ANKS1B: variants seen among roughly 807,000 people sequenced by gnomAD.
ANKS1B encodes ankyrin repeat and sterile alpha motif domain containing 1B.
ANKS1B carries 36 observed loss-of-function variants against 148.3 expected under a neutral mutation model. The ratio of observed to expected loss-of-function variants is 0.24; its 90% confidence interval spans 0.19 to 0.32. The LOEUF is 0.32. ANKS1B is among the 10% of genes least tolerant of loss of function. The probability of loss-of-function intolerance (pLI) is 1.00; values close to 1 mark genes in which losing one functional copy is unlikely to be tolerated. For missense variants in ANKS1B, 1,157 were observed against 1,542.6 expected (o/e 0.75, Z 4.19); for synonymous variants, 542 against 560.8 (o/e 0.97, Z 0.47).
intron 9 of ANKS1B, among the ~76,000 whole-genome samples, chr12:99,536,671 G>A (rs1332535882): frequency 6.6e-6 from 1 of 152,108 alleles, no homozygotes; most frequent in Non-Finnish European, 1.5e-5. Flanking sequence ...TAGGGTACAT[G>A]GGATGTTTTG....
At chr12:99,046,155 C>A (rs1333565616) in intron 17 of ANKS1B, among the ~76,000 whole-genome samples, 1 of 152,026 alleles carries the variant, frequency 6.6e-6, no homozygotes, top group Non-Finnish European at 1.5e-5. Context: ...GAAGTATTGT[C>A]AATAGACTAA....
chr12:99,082,716 C>G (rs2050235820), intron 16 of ANKS1B, among the ~76,000 whole-genome samples: 1 of 152,022 alleles, frequency 6.6e-6, no homozygotes, highest in Non-Finnish European at 1.5e-5. Context: ...TTGGTGAGGA[C>G]TAGGTTGATA....
chr12:99,525,743 T>C (rs1358130401), intron 9 of ANKS1B, among the ~76,000 whole-genome samples: 1 of 152,156 alleles, frequency 6.6e-6, no homozygotes. Context: ...AATATATTTG[T>C]TATAATAATC....
intron 10 of ANKS1B, among the ~76,000 whole-genome samples, chr12:99,487,918 T>A (rs924564322): frequency 6.6e-6 from 1 of 152,082 alleles, no homozygotes; most frequent in South Asian, 2.1e-4. Context: ...ACATGACATA[T>A]TAAAATCTTG....
At chr12:99,854,485 T>A (rs565184683) in intron 1 of ANKS1B, among the ~76,000 whole-genome samples, 1 of 152,066 alleles carries the variant, frequency 6.6e-6, no homozygotes, top group African/African-American at 2.4e-5. Flanking sequence ...GATAGAAAAA[T>A]TGAGAAAAAT....
chr12:99,089,815 C>A (rs1019504476), intron 15 of ANKS1B, among the ~76,000 whole-genome samples: 11 of 152,188 alleles, frequency 7.2e-5, no homozygotes, highest in Non-Finnish European at 1.6e-4. Flanking sequence ...AGTCCAATCA[C>A]TAAATTATTT....
At chr12:99,369,788 A>AGATAGATAGATG (rs770146685) in intron 12 of ANKS1B, among the ~76,000 whole-genome samples, 33 of 103,908 alleles carry the variant, frequency 3.2e-4, no homozygotes, top group African/African-American at 1.0e-3. Context: ...ATAGATAGAT[A>AGATAGATAGATG]GATGGACGGA....
At chr12:99,208,906 T>C (rs1044334873) in intron 14 of ANKS1B, among the ~76,000 whole-genome samples, 1 of 152,186 alleles carries the variant, frequency 6.6e-6, no homozygotes, top group African/African-American at 2.4e-5. Context: ...AGTTAAAACA[T>C]TTACTTTTTC....
chr12:98,777,160 T>C (rs1234476618), intron 24 of ANKS1B, among the ~76,000 whole-genome samples: 1 of 152,008 alleles, frequency 6.6e-6, no homozygotes, highest in Non-Finnish European at 1.5e-5. Flanking sequence ...GCCACTACAC[T>C]CCAGCCTGGG....
At chr12:99,170,737 C>T (rs1196167702) in intron 14 of ANKS1B, among the ~76,000 whole-genome samples, 1 of 152,092 alleles carries the variant, frequency 6.6e-6, no homozygotes, top group Non-Finnish European at 1.5e-5. Flanking sequence ...AGAATTCCCA[C>T]ACCCATGATG....
chr12:99,543,083 T>G (rs1241463497), intron 9 of ANKS1B, among the ~76,000 whole-genome samples: 1 of 152,094 alleles, frequency 6.6e-6, no homozygotes, highest in Non-Finnish European at 1.5e-5. Context: ...ATCATATATT[T>G]GATATGGGAC....
intron 1 of ANKS1B, among the ~76,000 whole-genome samples, chr12:99,923,878 G>A (rs1256965275): frequency 1.3e-5 from 2 of 152,108 alleles, no homozygotes; most frequent in South Asian, 4.1e-4. Flanking sequence ...AGGGTGAGGA[G>A]AGTGAGGCAT....
chr12:99,217,473 T>C (rs1244240514), intron 14 of ANKS1B, among the ~76,000 whole-genome samples: 1 of 152,148 alleles, frequency 6.6e-6, no homozygotes, highest in Non-Finnish European at 1.5e-5. Flanking sequence ...TGTTCCATTA[T>C]GTTTCCTACC....
chr12:99,501,395 TG>T (rs1394429630), intron 10 of ANKS1B, among the ~76,000 whole-genome samples: 2 of 152,190 alleles, frequency 1.3e-5, no homozygotes, highest in African/African-American at 4.8e-5. Flanking sequence ...GGATTACATT[TG>T]CTTCCACTTG....
chr12:99,897,446 A>G (rs2153753425), intron 1 of ANKS1B, among the ~76,000 whole-genome samples: 1 of 151,340 alleles, frequency 6.6e-6, no homozygotes, highest in South Asian at 2.1e-4. Flanking sequence ...AACTAAAGTC[A>G]TCCTCAGTGG....
At chr12:99,265,618 T>C in intron 12 of ANKS1B, among the ~76,000 whole-genome samples, 1 of 152,140 alleles carries the variant, frequency 6.6e-6, no homozygotes, top group East Asian at 1.9e-4. Context: ...TTTTCTATAT[T>C]TGAGGTGAGC....
At chr12:99,763,496 T>C (rs2062354627) in intron 8 of ANKS1B, among the ~76,000 whole-genome samples, 1 of 152,024 alleles carries the variant, frequency 6.6e-6, no homozygotes, top group African/African-American at 2.4e-5. Context: ...ACAATGGGGC[T>C]TACTTGCGGG....
chr12:99,350,082 A>G (rs1033889128), intron 12 of ANKS1B, among the ~76,000 whole-genome samples: 1 of 152,000 alleles, frequency 6.6e-6, no homozygotes, highest in Non-Finnish European at 1.5e-5. Context: ...TCATTTGATC[A>G]TGGCGCAGAT....
At chr12:99,794,966 T>A (rs2066073794) in intron 4 of ANKS1B, among the ~76,000 whole-genome samples, 1 of 151,948 alleles carries the variant, frequency 6.6e-6, no homozygotes, top group African/African-American at 2.4e-5. Flanking sequence ...ACCTACTATG[T>A]ATCCACAAAA....
Sources: allele counts gnomAD v4.1 joint callset (sites outside exome capture counted in the v4.1 genomes callset), GRCh38; gene constraint gnomAD v4.1.1; transcripts MANE v1.5; gene names NCBI Gene and HGNC (gene_info 2026-07-23, HGNC 2026-07-21).